FAM135A: variants seen among roughly 807,000 people sequenced by gnomAD.
The protein encoded by FAM135A is protein FAM135A.
Under a neutral mutation model 146.8 loss-of-function variants are expected in FAM135A, and 79 were observed. The observed-to-expected ratio is 0.54, with a 90% CI of 0.45 to 0.65. FAM135A has a LOEUF of 0.65. Among genes scored for constraint, FAM135A ranks in the 30% least tolerant of loss-of-function variants. The probability of loss-of-function intolerance (pLI) is 0.00; values close to 1 mark genes in which losing one functional copy is unlikely to be tolerated. For missense variants in FAM135A, 1,623 were observed against 1,758.2 expected, an observed-to-expected ratio of 0.92 and a Z score of 1.38; for synonymous variants, 562 against 603.6, an observed-to-expected ratio of 0.93 and a Z score of 1.01.
chr6:70,497,816 G>C (rs1332322287), intron 11 of FAM135A, among the ~76,000 whole-genome samples: 1 of 152,186 alleles, frequency 6.6e-6, no homozygotes, highest in Non-Finnish European at 1.5e-5. Context: ...GCATCTCAGG[G>C]ATGAAGCCTA....
At chr6:70,527,378 G>C (rs1295016602) in intron 15 of FAM135A, among the ~76,000 whole-genome samples, 1 of 152,006 alleles carries the variant, frequency 6.6e-6, no homozygotes, top group Non-Finnish European at 1.5e-5. Flanking sequence ...TATATAGAGA[G>C]AGATTTTTAA....
At chr6:70,426,119 AAAC>A (rs1554261988) in intron 2 of FAM135A, among the ~76,000 whole-genome samples, 8 of 150,422 alleles carry the variant, frequency 5.3e-5, no homozygotes, top group Admixed American at 1.3e-4. Flanking sequence ...CAAAAAAAAA[AAAC>A]AACAACAAAA....
intron 1 of FAM135A, 101 bp from the exon 2 acceptor site, chr6:70,415,190 G>A (rs1383464726): frequency 1.3e-5 from 2 of 152,084 alleles, no homozygotes; most frequent in Non-Finnish European, 2.9e-5. Context: ...TCAAGATTTG[G>A]CTTAAATAAA....
intron 4 of FAM135A, among the ~76,000 whole-genome samples, chr6:70,451,194 T>G (rs1364907370): frequency 6.6e-6 from 1 of 152,206 alleles, no homozygotes; most frequent in Non-Finnish European, 1.5e-5. Context: ...GTCAAACACA[T>G]ATTGAACACT....
chr6:70,506,550 C>T (rs1789803543), intron 12 of FAM135A, among the ~76,000 whole-genome samples: 1 of 152,014 alleles, frequency 6.6e-6, no homozygotes, highest in Admixed American at 6.6e-5. Flanking sequence ...GGTTCTCAGG[C>T]TGTAGTTTGC....
At chr6:70,507,040 A>C (rs996440528) in intron 12 of FAM135A, among the ~76,000 whole-genome samples, 3 of 152,074 alleles carry the variant, frequency 2.0e-5, no homozygotes, top group Non-Finnish European at 2.9e-5. Context: ...TAAGACAAAA[A>C]TCAGGTTTGT....
intron 16 of FAM135A, among the ~76,000 whole-genome samples, 196 bp from the exon 17 acceptor site, chr6:70,532,964 A>G (rs1388998053): frequency 1.3e-5 from 2 of 152,002 alleles, no homozygotes; most frequent in African/African-American, 4.8e-5. Context: ...GAAAACAAAA[A>G]CTGTTGAATT....
At chr6:70,519,477 C>G (rs1793056886) in intron 12 of FAM135A, among the ~76,000 whole-genome samples, 1 of 152,182 alleles carries the variant, frequency 6.6e-6, no homozygotes, top group Admixed American at 6.5e-5. Flanking sequence ...GGGTAAAATG[C>G]TGTTAAACTG....
At chr6:70,445,722 T>C (rs1056004246) in intron 4 of FAM135A, among the ~76,000 whole-genome samples, 3 of 152,230 alleles carry the variant, frequency 2.0e-5, no homozygotes, top group African/African-American at 7.2e-5. Context: ...CAGGTGTTCC[T>C]TGCCCTCATT....
intron 12 of FAM135A, among the ~76,000 whole-genome samples, chr6:70,505,595 T>C (rs1789587092): frequency 6.6e-6 from 1 of 152,114 alleles, no homozygotes; most frequent in South Asian, 2.1e-4. Flanking sequence ...CATTTTGAGT[T>C]TTTAAATTTA....
chr6:70,461,336 T>G (rs1228093992), intron 5 of FAM135A, among the ~76,000 whole-genome samples: 1 of 152,122 alleles, frequency 6.6e-6, no homozygotes, highest in African/African-American at 2.4e-5. Context: ...CTGAAAGTAC[T>G]TAGACTGTAA....
chr6:70,472,768 TAG>T (rs899270727), intron 5 of FAM135A, among the ~76,000 whole-genome samples: 1 of 152,232 alleles, frequency 6.6e-6, no homozygotes, highest in African/African-American at 2.4e-5. Context: ...TGTTATTTTT[TAG>T]AGTGTTCTTC....
intron 13 of FAM135A, among the ~76,000 whole-genome samples, chr6:70,522,908 A>G (rs555902812): frequency 6.6e-6 from 1 of 152,244 alleles, no homozygotes; most frequent in South Asian, 2.1e-4. Flanking sequence ...TTCACAGGCC[A>G]GAATTTCTTA....
intron 20 of FAM135A, among the ~76,000 whole-genome samples, chr6:70,541,084 A>G (rs1387490294): frequency 6.6e-6 from 1 of 152,248 alleles, no homozygotes; most frequent in Non-Finnish European, 1.5e-5. Flanking sequence ...CTGTTCAAGA[A>G]TAATTACCCT....
At chr6:70,517,033 G>A (rs560482158) in intron 12 of FAM135A, among the ~76,000 whole-genome samples, 3 of 152,240 alleles carry the variant, frequency 2.0e-5, no homozygotes, top group South Asian at 2.1e-4. Context: ...TATTCTTTGA[G>A]TATAACTGTG....
chr6:70,453,478 A>G (rs182465619), intron 5 of FAM135A, among the ~76,000 whole-genome samples: 1 of 152,220 alleles, frequency 6.6e-6, no homozygotes. Flanking sequence ...GTTTGTTTGC[A>G]TATGTATACA....
At chr6:70,467,676 A>T in intron 5 of FAM135A, among the ~76,000 whole-genome samples, 1 of 148,318 alleles carries the variant, frequency 6.7e-6, no homozygotes, top group South Asian at 2.2e-4. Flanking sequence ...TCTATCTTTT[A>T]CTCTCTTATT....
intron 2 of FAM135A, among the ~76,000 whole-genome samples, chr6:70,424,306 AATT>A (rs1165794179): frequency 6.6e-6 from 1 of 152,172 alleles, no homozygotes; most frequent in Admixed American, 6.5e-5. Flanking sequence ...CCTAGCTTAT[AATT>A]TATTTGACAA....
At chr6:70,435,782 C>T (rs1297943453) in intron 4 of FAM135A, among the ~76,000 whole-genome samples, 1 of 152,156 alleles carries the variant, frequency 6.6e-6, no homozygotes, top group Non-Finnish European at 1.5e-5. Flanking sequence ...AAAGGACTAT[C>T]AGCTAAGAGT....
Sources: allele counts gnomAD v4.1 joint callset (sites outside exome capture counted in the v4.1 genomes callset), GRCh38; gene constraint gnomAD v4.1.1; transcripts MANE v1.5; gene names NCBI Gene and HGNC (gene_info 2026-07-23, HGNC 2026-07-21).